The following DMXL1 variants were observed in gnomAD, a reference collection of about 807,000 sequenced individuals.
DMXL1 encodes Dmx like 1.
Under a neutral mutation model 319.2 loss-of-function variants are expected in DMXL1, and 99 were observed. That is an observed-to-expected ratio of 0.31 (90% confidence interval 0.26 to 0.37). The LOEUF (loss-of-function observed/expected upper bound fraction) is 0.37. Among genes scored for constraint, DMXL1 ranks in the 10% least tolerant of loss-of-function variants. The pLI, the probability that DMXL1 is intolerant of heterozygous loss-of-function variation, is 1.00. For missense variants in DMXL1, 3,745 were observed against 3,595.6 expected, an observed-to-expected ratio of 1.04 and a Z score of -1.06; for synonymous variants, 1,385 against 1,235.2, an observed-to-expected ratio of 1.12 and a Z score of -2.54.
At chr5:119,138,469 T>C (rs1476380080) in intron 13 of DMXL1, among the ~76,000 whole-genome samples, 1 of 152,174 alleles carries the variant, frequency 6.6e-6, no homozygotes, top group East Asian at 1.9e-4. Context: ...CCTGAAAATA[T>C]ACAGTAGTTG....
rs571448076 is a variant in DMXL1, at chr5:119,091,650, C to T, written c.88-6329C>T. Among the ~76,000 whole-genome samples the T allele has an allele frequency of 6.1e-4, 93 of 152,264 alleles. 1 individual carries two copies. The highest frequency in any genetic ancestry group is 2.1e-3 in the African/African-American group (89 of 41,532). The stretch of plus-strand genomic sequence containing the variant: ...CTAAGCCACTGCCCCTTTTTAGGCT[C>T]CAGGTGTTGCCTTAAGTCCAGGTTC... On this transcript the variant is annotated intron_variant, in intron 1 of 43. Transcript: ENST00000539542.
chr5:119,201,490 T>C (rs1780700815), intron 32 of DMXL1, among the ~76,000 whole-genome samples: 1 of 152,210 alleles, frequency 6.6e-6, no homozygotes, highest in Non-Finnish European at 1.5e-5. Flanking sequence ...TGAGGATTTT[T>C]GTGTTGACAT....
chr5:119,098,043 C>G lies in DMXL1; in HGVS notation c.152C>G (p.Pro51Arg), dbSNP rs766856533. The change falls in exon 2 of 44, where the codon CCA (proline) becomes CGA (arginine). Residue 51 changes from proline to arginine, a missense_variant. Coordinates refer to ENST00000539542, the MANE Select transcript of DMXL1 (RefSeq NM_001290321.3). ...GATTTTGAAAGATTACAGATAATCC[C>G]AGGAGCTAAACATGGAAATATTCAA... ...GSDFERLQIIPGAKHGNIQVG... is the reference protein window; with the variant it reads ...GSDFERLQIIRGAKHGNIQVG... 20 of 1,609,062 alleles carry G rather than the reference C, an allele frequency of 1.2e-5. No individual in the cohort carries two copies.
At chr5:119,186,617 A>T (rs1361773531) in intron 28 of DMXL1, among the ~76,000 whole-genome samples, 1 of 152,204 alleles carries the variant, frequency 6.6e-6, no homozygotes, top group Non-Finnish European at 1.5e-5. Flanking sequence ...AGTTTTAATC[A>T]CAGCAATATA....
intron 1 of DMXL1, among the ~76,000 whole-genome samples, chr5:119,091,359 C>G (rs1754764355): frequency 6.6e-6 from 1 of 152,128 alleles, no homozygotes; most frequent in Non-Finnish European, 1.5e-5. Context: ...GCACATGCCA[C>G]CACACCCAGC....
intron 32 of DMXL1, among the ~76,000 whole-genome samples, chr5:119,200,908 A>T (rs1780584214): frequency 6.6e-6 from 1 of 152,096 alleles, no homozygotes; most frequent in Non-Finnish European, 1.5e-5. Flanking sequence ...GATTTCTTGT[A>T]CACTGATTTT....
intron 3 of DMXL1, among the ~76,000 whole-genome samples, chr5:119,104,620 G>A (rs766777520): frequency 6.6e-6 from 1 of 152,086 alleles, no homozygotes; most frequent in African/African-American, 2.4e-5. Context: ...ATGTAATAAG[G>A]ACAAACATAG....
At chr5:119,219,256 A>G (rs1188627510) in intron 35 of DMXL1, among the ~76,000 whole-genome samples, 1 of 152,190 alleles carries the variant, frequency 6.6e-6, no homozygotes, top group Non-Finnish European at 1.5e-5. Flanking sequence ...AATCTTTTAT[A>G]ATCGATAGTA....
chr5:119,085,057 A>G (rs1233313422), intron 1 of DMXL1, among the ~76,000 whole-genome samples: 1 of 151,422 alleles, frequency 6.6e-6, no homozygotes, highest in East Asian at 2.0e-4. Flanking sequence ...AGCTGGTCAC[A>G]GGGGCTCACT....
At chr5:119,074,857 C>G (rs1356637315) in intron 1 of DMXL1, among the ~76,000 whole-genome samples, 1 of 152,192 alleles carries the variant, frequency 6.6e-6, no homozygotes, top group Non-Finnish European at 1.5e-5. Flanking sequence ...AAGGTCATTA[C>G]TTGGAGTTGA....
intron 4 of DMXL1, among the ~76,000 whole-genome samples, chr5:119,106,405 T>A (rs972961221): frequency 6.6e-6 from 1 of 152,106 alleles, no homozygotes; most frequent in Non-Finnish European, 1.5e-5. Context: ...CAGAGAGACA[T>A]AATTTATTGG....
chr5:119,194,782 T>A (rs1440727388), intron 30 of DMXL1, among the ~76,000 whole-genome samples: 2 of 152,134 alleles, frequency 1.3e-5, no homozygotes, highest in Non-Finnish European at 2.9e-5. Flanking sequence ...GGGCTGGGCA[T>A]GGTGGCCTAT....
chr5:119,089,287 T>TATATATATATATAG, intron 1 of DMXL1, among the ~76,000 whole-genome samples: 1 of 33,996 alleles, frequency 2.9e-5, no homozygotes, highest in Non-Finnish European at 6.3e-5. Flanking sequence ...CATATATATA[T>TATATATATATATAG]ATATATTTTT....
At chr5:119,144,508 A>G (rs1214090947) in intron 14 of DMXL1, 28 bp from the exon 15 acceptor site, 2 of 1,499,160 alleles carry the variant, frequency 1.3e-6, no homozygotes, top group African/African-American at 1.4e-5. Flanking sequence ...ACATAGGTCA[A>G]CTTACGTTGA....
intron 13 of DMXL1, among the ~76,000 whole-genome samples, chr5:119,142,291 C>T (rs1195475061): frequency 4.0e-5 from 6 of 151,828 alleles, no homozygotes; most frequent in African/African-American, 1.2e-4. Context: ...GCAAACTATG[C>T]ATCTGAGAAA....
Position 119,170,697 on chromosome 5 carries a change from A to C in DMXL1, c.5906A>C (p.Asp1969Ala). Residue 1969 changes from aspartate to alanine, a missense_variant, in exon 24 of 44, where the codon GAC (aspartate) becomes GCC (alanine). By Grantham distance (126) the Asp-to-Ala change is moderately radical. Coordinates refer to ENST00000539542, the MANE Select transcript of DMXL1 (RefSeq NM_001290321.3). ...FQDDSLELKW[D>A]SDNDEENEDV... Reference sequence around the variant, plus strand: ...GATGACTCTTTAGAGTTAAAATGGGACAGTGATAATGATGAAGAAAATGAG... The same window carrying C: ...GATGACTCTTTAGAGTTAAAATGGGCCAGTGATAATGATGAAGAAAATGAG... 6.2e-7 allele frequency: 1 copy of C among 1,613,476 alleles called. No individual in the cohort carries two copies. The highest frequency in any genetic ancestry group is 1.3e-5 in the African/African-American group (1 of 74,856).
chr5:119,081,757 G>T (rs1370269463), intron 1 of DMXL1: 3 of 981,000 alleles, frequency 3.1e-6, no homozygotes, highest in African/African-American at 1.8e-5. Flanking sequence ...TGTGCATGGA[G>T]AATTTTGTTC....
At chr5:119,111,292 A>G (rs939723825) in intron 5 of DMXL1, among the ~76,000 whole-genome samples, 2 of 152,206 alleles carry the variant, frequency 1.3e-5, no homozygotes, top group African/African-American at 4.8e-5. Context: ...ATTACATGTT[A>G]TTATTGAGCA....
chr5:119,144,753 G>T, intron 15 of DMXL1, 115 bp downstream of exon 15: 5 of 579,236 alleles, frequency 8.6e-6, no homozygotes, highest in South Asian at 3.8e-5. Flanking sequence ...AATTGGGGTA[G>T]GTTTGTTTAT....
Sources: gnomAD v4.1 joint callset for allele counts (sites outside exome capture counted in the v4.1 genomes callset) on GRCh38, gnomAD v4.1.1 for gene constraint, MANE v1.5 for transcripts, NCBI Gene and HGNC (gene_info 2026-07-23, HGNC 2026-07-21) for gene names.